The following PARD3B variants were observed in gnomAD, a reference collection of about 807,000 sequenced individuals.
The protein encoded by PARD3B is par-3 family cell polarity regulator beta.
In PARD3B, 103 loss-of-function variants were observed where a neutral mutation model predicts 130.2. That is an observed-to-expected ratio of 0.79 (90% CI 0.67 to 0.93). PARD3B has a LOEUF of 0.93. PARD3B is among the 40% of genes least tolerant of loss of function. The probability of loss-of-function intolerance (pLI) is 0.00; values close to 1 mark genes in which losing one functional copy is unlikely to be tolerated. For missense variants in PARD3B, 1,609 were observed against 1,499.2 expected (o/e 1.07, Z -1.21); for synonymous variants, 583 against 553.2 (o/e 1.05, Z -0.76).
intron 18 of PARD3B, among the ~76,000 whole-genome samples, chr2:205,324,622 A>G (rs1367611903): frequency 6.6e-6 from 1 of 152,090 alleles, no homozygotes; most frequent in Non-Finnish European, 1.5e-5. Flanking sequence ...ACACTATTCC[A>G]GCTGTCATAT....
rs868326892 is a variant in PARD3B, at chr2:205,575,234, T to A, written c.3260+21831T>A. On this transcript the variant is annotated intron_variant, in intron 22 of 22. Transcript: ENST00000406610. The surrounding 1 kb of genome is among the most constrained non-coding windows in gnomAD (Gnocchi z 4.6). ...CATACACACTGTTTTTAGTGCAGTT[T>A]CAGGTTCACACCAAATTTTAGAGGA... 2.6e-5 allele frequency among the ~76,000 whole-genome samples: 4 copies of A among 152,130 alleles called. No homozygotes were observed. The highest frequency in any genetic ancestry group is 6.6e-5 in the Admixed American group (1 of 15,250).
intron 2 of PARD3B, among the ~76,000 whole-genome samples, chr2:204,845,615 T>A (rs138238920): frequency 1.3e-5 from 2 of 152,122 alleles, no homozygotes; most frequent in Admixed American, 6.6e-5. Context: ...TCTGATTTGC[T>A]CTTTTGTGCA....
intron 21 of PARD3B, among the ~76,000 whole-genome samples, chr2:205,538,447 CA>C (rs2106451346): frequency 6.7e-6 from 1 of 149,970 alleles, no homozygotes; most frequent in African/African-American, 2.5e-5. Flanking sequence ...TTTCTGTAAA[CA>C]ACAATAAGAT....
At chr2:204,736,401 C>T (rs549956071) in intron 2 of PARD3B, among the ~76,000 whole-genome samples, 19 of 152,016 alleles carry the variant, frequency 1.2e-4, no homozygotes, top group African/African-American at 3.4e-4. Flanking sequence ...GCACCTAATG[C>T]GTAGTTTTTA....
intron 3 of PARD3B, among the ~76,000 whole-genome samples, chr2:204,970,568 G>T (rs188226537): frequency 6.6e-5 from 10 of 152,180 alleles, no homozygotes; most frequent in Admixed American, 3.3e-4. Flanking sequence ...CCATGCCTCT[G>T]CCAATTTCCC....
At chr2:204,635,486 T>C (rs960852995) in intron 1 of PARD3B, among the ~76,000 whole-genome samples, 18 of 152,250 alleles carry the variant, frequency 1.2e-4, no homozygotes, top group African/African-American at 4.3e-4. Context: ...TTCTCTAATG[T>C]ATCTTCGTTC....
chr2:205,241,402 A>C lies in PARD3B; in HGVS notation c.2141-4376A>C. ...TCTCTAAGTATGTAATAATGGTTAT[A>C]ATAAAATAACAGTTATAAAAATATT... On this transcript the variant is annotated intron_variant, in intron 15 of 22. Transcript: ENST00000406610. This position sits in a 1 kb window ranked among gnomAD's most constrained non-coding sequence, Gnocchi z 4.2. Among the ~76,000 whole-genome samples the C allele has an allele frequency of 6.6e-6, 1 of 152,162 alleles. No homozygotes were observed. The highest frequency in any genetic ancestry group is 1.9e-4 in the East Asian group (1 of 5,196).
intron 21 of PARD3B, among the ~76,000 whole-genome samples, chr2:205,551,011 T>G (rs2052621751): frequency 7.1e-6 from 1 of 141,192 alleles, no homozygotes; most frequent in Non-Finnish European, 1.5e-5. Flanking sequence ...ACATAATCTG[T>G]TCCTCGAGGC....
chr2:205,219,308 G>C (rs966600601), intron 15 of PARD3B, among the ~76,000 whole-genome samples: 1 of 152,192 alleles, frequency 6.6e-6, no homozygotes, highest in African/African-American at 2.4e-5. Flanking sequence ...TAAAATACCA[G>C]ATGAGTTCAC....
chr2:205,542,144 CAAAAAAAAAAAAA>C (rs71032484), intron 21 of PARD3B, among the ~76,000 whole-genome samples: 5 of 38,070 alleles, frequency 1.3e-4, no homozygotes, highest in East Asian at 9.9e-4. Flanking sequence ...ACTCCGTCTC[CAAAAAAAAAAAAA>C]AAAAAAAAAA....
intron 3 of PARD3B, among the ~76,000 whole-genome samples, chr2:205,001,999 TC>T (rs1694874628): frequency 6.6e-6 from 1 of 152,118 alleles, no homozygotes; most frequent in Non-Finnish European, 1.5e-5. Flanking sequence ...TAGGAAGAAA[TC>T]TTGAGAATTT....
chr2:205,349,822 A>ATTTT (rs1364456491), intron 18 of PARD3B, among the ~76,000 whole-genome samples: 834 of 36,324 alleles, frequency 0.023, 3 homozygotes, highest in Non-Finnish European at 0.047. Flanking sequence ...TTTTTTTTTA[A>ATTTT]AAAAAGAGGA....
intron 22 of PARD3B, among the ~76,000 whole-genome samples, chr2:205,557,419 C>T (rs2052939038): frequency 1.3e-5 from 2 of 152,152 alleles, no homozygotes; most frequent in Admixed American, 1.3e-4. Flanking sequence ...TGCTTTATGA[C>T]CTTGAGGCAT....
chr2:204,622,046 C>A (rs1421218019), intron 1 of PARD3B, among the ~76,000 whole-genome samples: 1 of 152,150 alleles, frequency 6.6e-6, no homozygotes, highest in Non-Finnish European at 1.5e-5. Context: ...TACACTATGG[C>A]TTCACATGTA....
chr2:204,811,996 C>T (rs895008279), intron 2 of PARD3B, among the ~76,000 whole-genome samples: 62 of 152,128 alleles, frequency 4.1e-4, no homozygotes, highest in African/African-American at 1.3e-3. Flanking sequence ...ATGATCATGT[C>T]CATTTTTCTG....
At chr2:205,231,356 T>A (rs2038825357) in intron 15 of PARD3B, among the ~76,000 whole-genome samples, 1 of 151,670 alleles carries the variant, frequency 6.6e-6, no homozygotes, top group South Asian at 2.1e-4. Context: ...AGACAAGGTC[T>A]CACTCTGTTG....
chr2:204,839,198 C>CT (rs1350932370), intron 2 of PARD3B, among the ~76,000 whole-genome samples: 1 of 152,152 alleles, frequency 6.6e-6, no homozygotes, highest in East Asian at 1.9e-4. Flanking sequence ...AGAAACGGTG[C>CT]TTCCTTATAT....
rs1458998654 is a variant in PARD3B at position 204,696,265 on chromosome 2, G to A, written c.222+9983G>A. 2.0e-5 allele frequency among the ~76,000 whole-genome samples: 3 copies of A among 151,842 alleles called. No homozygotes were observed. In the East Asian group the frequency reaches 5.8e-4, roughly 30 times the overall value. ...ATGACCTGAGGTCTCATGATTTAAC[G>A]GAAGAAAAAAACGGAAACAAAAAAC... On this transcript the variant is annotated intron_variant, in intron 2 of 22. Coordinates refer to ENST00000406610, the MANE Select transcript of PARD3B (RefSeq NM_001302769.2).
chr2:205,069,223 A>G (rs1700570003), intron 4 of PARD3B, among the ~76,000 whole-genome samples: 1 of 151,998 alleles, frequency 6.6e-6, no homozygotes. Context: ...ATTTTTCATT[A>G]AATCCTATTT....
Sources: gnomAD v4.1 joint callset for allele counts (sites outside exome capture counted in the v4.1 genomes callset) on GRCh38, gnomAD v4.1.1 for gene constraint, Gnocchi (gnomAD v3.1) non-coding constraint, MANE v1.5 for transcripts, NCBI Gene and HGNC (gene_info 2026-07-23, HGNC 2026-07-21) for gene names.